Variants in SBF2 observed in about 807,000 individuals in gnomAD.
SBF2 encodes the protein myotubularin-related protein 13.
SBF2 carries 112 observed loss-of-function variants against 225.2 expected under a neutral mutation model. That is an observed-to-expected ratio of 0.50 (90% CI 0.43 to 0.58). The LOEUF is 0.58. Ranked by LOEUF, SBF2 falls within the 20% of genes least tolerant of loss-of-function variation. The pLI is 0.00. For missense variants in SBF2, 1,996 were observed against 2,206.2 expected, an observed-to-expected ratio of 0.90 and a Z score of 1.91; for synonymous variants, 763 against 773.3, an observed-to-expected ratio of 0.99 and a Z score of 0.22.
intron 25 of SBF2, among the ~76,000 whole-genome samples, chr11:9,841,570 C>T (rs932824344): frequency 1.3e-5 from 2 of 151,164 alleles, no homozygotes; most frequent in Admixed American, 6.6e-5. Context: ...TTGCTCTGTC[C>T]GACCCAGGCT....
intron 16 of SBF2, among the ~76,000 whole-genome samples, chr11:9,911,588 G>A (rs573570276): frequency 6.6e-6 from 1 of 152,226 alleles, no homozygotes; most frequent in South Asian, 2.1e-4. Context: ...TAAATTCAGT[G>A]TAGTCTAAAT....
intron 28 of SBF2, among the ~76,000 whole-genome samples, chr11:9,825,318 C>T (rs1732939664): frequency 1.3e-5 from 2 of 152,190 alleles, no homozygotes; most frequent in African/African-American, 4.8e-5. Flanking sequence ...CCTCCAGAAG[C>T]TAGGAGAAAG....
At chr11:9,895,728 G>A (rs1028331721) in intron 17 of SBF2, among the ~76,000 whole-genome samples, 2 of 152,160 alleles carry the variant, frequency 1.3e-5, no homozygotes, top group African/African-American at 4.8e-5. Context: ...GGAAAAGGAT[G>A]TAACGGGTGT....
At chr11:9,958,664 G>C (rs1407492206) in intron 16 of SBF2, 1 of 304,296 alleles carries the variant, frequency 3.3e-6, no homozygotes, top group Non-Finnish European at 6.6e-6. Context: ...TTACAATTAG[G>C]ACAACTGGGA....
At chr11:10,145,208 C>A (rs1012354690) in intron 2 of SBF2, among the ~76,000 whole-genome samples, 1 of 152,136 alleles carries the variant, frequency 6.6e-6, no homozygotes, top group African/African-American at 2.4e-5. Context: ...ACGCCTGGCA[C>A]CTGGGCTAGG....
At chr11:10,172,250 T>C (rs748438725) in intron 2 of SBF2, among the ~76,000 whole-genome samples, 9 of 152,208 alleles carry the variant, frequency 5.9e-5, no homozygotes, top group Non-Finnish European at 1.0e-4. Context: ...TTTTTCTTCT[T>C]TTTTGATGTA....
chr11:10,010,610 T>C (rs575135503), intron 6 of SBF2, among the ~76,000 whole-genome samples: 27 of 152,340 alleles, frequency 1.8e-4, no homozygotes, highest in African/African-American at 6.0e-4. Context: ...TCTGTTTTGG[T>C]ACCAGTACCA....
intron 1 of SBF2, among the ~76,000 whole-genome samples, chr11:10,283,641 G>C (rs1181878640): frequency 6.7e-6 from 1 of 149,900 alleles, no homozygotes; most frequent in Non-Finnish European, 1.5e-5. Flanking sequence ...AAAAGTAAAG[G>C]CATATAAAAT....
intron 19 of SBF2, among the ~76,000 whole-genome samples, chr11:9,855,031 CAG>C (rs1466830804): frequency 1.3e-5 from 2 of 152,172 alleles, no homozygotes; most frequent in Non-Finnish European, 1.5e-5. Context: ...TGTATTGAAA[CAG>C]AGTCTTGTGG....
At chr11:9,996,026 A>G (rs956141548) in intron 9 of SBF2, among the ~76,000 whole-genome samples, 2 of 152,168 alleles carry the variant, frequency 1.3e-5, no homozygotes, top group African/African-American at 4.8e-5. Flanking sequence ...CTTAGTAACT[A>G]TAACAATACG....
chr11:9,909,623 T>C (rs1035568952), intron 16 of SBF2, among the ~76,000 whole-genome samples: 3 of 149,506 alleles, frequency 2.0e-5, no homozygotes, highest in African/African-American at 7.4e-5. Context: ...TGAGCCGAGA[T>C]TGCGCCACTG....
intron 28 of SBF2, among the ~76,000 whole-genome samples, chr11:9,822,055 A>G (rs951774338): frequency 6.6e-6 from 1 of 152,138 alleles, no homozygotes; most frequent in African/African-American, 2.4e-5. Flanking sequence ...AATAATGACA[A>G]CTAACATCTA....
intron 16 of SBF2, among the ~76,000 whole-genome samples, chr11:9,909,741 T>C (rs1340745002): frequency 1.3e-5 from 2 of 151,914 alleles, no homozygotes; most frequent in Non-Finnish European, 2.9e-5. Flanking sequence ...AGAAGTTAAG[T>C]TGTAAACATC....
chr11:10,077,933 A>G (rs939690371), intron 2 of SBF2, among the ~76,000 whole-genome samples: 3 of 152,192 alleles, frequency 2.0e-5, no homozygotes, highest in African/African-American at 4.8e-5. Context: ...ACTTAAACAA[A>G]TTTACAAGAA....
chr11:10,087,576 A>G (rs1951621871), intron 2 of SBF2, among the ~76,000 whole-genome samples: 1 of 152,230 alleles, frequency 6.6e-6, no homozygotes, highest in Non-Finnish European at 1.5e-5. Flanking sequence ...TATGGTAAAT[A>G]ATACTCATCT....
intron 33 of SBF2, among the ~76,000 whole-genome samples, chr11:9,793,757 T>C (rs541416550): frequency 1.5e-3 from 228 of 152,272 alleles, no homozygotes; most frequent in Non-Finnish European, 2.7e-3. Context: ...ATTTAAGTGG[T>C]TGGGGATGTT....
Position 10,081,078 on chromosome 11 carries a change from T to G in SBF2, c.142-38097A>C, listed in dbSNP as rs959170762. Among the ~76,000 whole-genome samples, 8 of 152,240 alleles carry G rather than the reference T, an allele frequency of 5.3e-5. No homozygotes were observed. The East Asian group carries it at 1.5e-3, about 29-fold the overall frequency. ...CATGACAGAAAATTAAAGTGGACTT[T>G]AGACCAAGTGGACCTATAGACATTT... On this transcript the variant is annotated intron_variant, in intron 2 of 39. Coordinates refer to ENST00000256190, the MANE Select transcript of SBF2 (RefSeq NM_030962.4).
intron 6 of SBF2, among the ~76,000 whole-genome samples, chr11:10,019,691 A>G (rs1253681336): frequency 6.6e-6 from 1 of 151,960 alleles, no homozygotes; most frequent in East Asian, 1.9e-4. Context: ...TTTTCCCCTT[A>G]TAAGTGAGAA....
chr11:10,027,766 C>T (rs1180683517), intron 6 of SBF2, among the ~76,000 whole-genome samples: 5 of 152,212 alleles, frequency 3.3e-5, no homozygotes, highest in Non-Finnish European at 5.9e-5. Context: ...TAGAATCCTC[C>T]CAATCTTTCA....
Sources: allele counts gnomAD v4.1 joint callset (sites outside exome capture counted in the v4.1 genomes callset), GRCh38; gene constraint gnomAD v4.1.1; transcripts MANE v1.5; gene names NCBI Gene and HGNC (gene_info 2026-07-23, HGNC 2026-07-21).